SNTG1: variants seen among roughly 807,000 people sequenced by gnomAD.
SNTG1 encodes gamma-1-syntrophin.
SNTG1 carries 39 observed loss-of-function variants against 74.7 expected under a neutral mutation model. The observed-to-expected ratio is 0.52, with a 90% CI of 0.40 to 0.68. The LOEUF is 0.68. SNTG1 is among the 30% of genes least tolerant of loss of function. The probability of loss-of-function intolerance (pLI) is 0.00; values close to 1 mark genes in which losing one functional copy is unlikely to be tolerated. For synonymous variants in SNTG1, 254 were observed against 217.1 expected (o/e 1.17, Z -1.49); for missense variants, 685 against 609.5 (o/e 1.12, Z -1.30).
At chr8:50,731,277 T>C (rs951820145) in intron 17 of SNTG1, among the ~76,000 whole-genome samples, 1 of 152,062 alleles carries the variant, frequency 6.6e-6, no homozygotes, top group Non-Finnish European at 1.5e-5. Flanking sequence ...AGAGAGTGGT[T>C]TCTGGTCTTT....
intron 2 of SNTG1, among the ~76,000 whole-genome samples, chr8:50,254,366 T>G (rs12545915): frequency 0.56 from 85,881 of 152,024 alleles, 27,971 homozygotes; most frequent in East Asian, 0.83. Flanking sequence ...TCCGTGTACC[T>G]TTTTTGAAAA....
chr8:50,609,472 CT>C (rs1452047537), intron 13 of SNTG1, among the ~76,000 whole-genome samples: 1 of 151,950 alleles, frequency 6.6e-6, no homozygotes, highest in Non-Finnish European at 1.5e-5. Flanking sequence ...TTTCTTTTAT[CT>C]TTGTCTTCCA....
rs16914312 is a variant in SNTG1, at chr8:50,129,596, G to A, written c.-102-42965G>A. Among the ~76,000 whole-genome samples, 241 of 152,158 alleles carry A rather than the reference G, an allele frequency of 1.6e-3. 1 individual carries two copies. The highest frequency in any genetic ancestry group is 3.4e-3 in the Middle Eastern group (1 of 294). Reference sequence around the variant, plus strand: ...GGATCTGTGGGTTTGGATTCATACCGTCTTGGTGGAGAAATGGCTCAGACT... The same window carrying A: ...GGATCTGTGGGTTTGGATTCATACCATCTTGGTGGAGAAATGGCTCAGACT... On this transcript the variant is annotated intron_variant, in intron 1 of 18. Coordinates refer to ENST00000642720, the MANE Select transcript of SNTG1 (RefSeq NM_018967.5).
intron 18 of SNTG1, among the ~76,000 whole-genome samples, chr8:50,762,160 A>G (rs2095600776): frequency 6.6e-6 from 1 of 152,090 alleles, no homozygotes; most frequent in Non-Finnish European, 1.5e-5. Flanking sequence ...AGTTATATAA[A>G]TCTAAATATA....
chr8:50,513,678 A>G (rs1393475726), intron 9 of SNTG1, among the ~76,000 whole-genome samples: 1 of 152,220 alleles, frequency 6.6e-6, no homozygotes, highest in Non-Finnish European at 1.5e-5. Flanking sequence ...TGTGCTAACA[A>G]TGAGTGAGGC....
rs4289831 is a variant in SNTG1 at position 50,669,745 on chromosome 8, G to A, written c.1038+11082G>A. 3.2e-4 allele frequency among the ~76,000 whole-genome samples: 48 copies of A among 151,938 alleles called. 1 individual carries two copies. The South Asian group carries it at 8.1e-3, about 26-fold the overall frequency. Reference sequence around the variant, plus strand: ...CTGGCAGAGACACAACCAAAAAAGAGAATTTTAGACTAATATCCTTGATGA... The same window carrying A: ...CTGGCAGAGACACAACCAAAAAAGAAAATTTTAGACTAATATCCTTGATGA... On this transcript the variant is annotated intron_variant, in intron 15 of 18. Coordinates refer to ENST00000642720, the MANE Select transcript of SNTG1 (RefSeq NM_018967.5).
intron 2 of SNTG1, among the ~76,000 whole-genome samples, chr8:50,340,358 G>A (rs1177775103): frequency 1.3e-5 from 2 of 151,940 alleles, no homozygotes; most frequent in African/African-American, 4.8e-5. Context: ...ACAGTGTGGT[G>A]TTAGCAAAAG....
chr8:50,008,453 G>T (rs1046133081), intron 1 of SNTG1, among the ~76,000 whole-genome samples: 2 of 152,230 alleles, frequency 1.3e-5, no homozygotes, highest in East Asian at 3.9e-4. Context: ...TAGAAATTGG[G>T]TCTAGTCTTC....
intron 2 of SNTG1, among the ~76,000 whole-genome samples, chr8:50,302,008 C>T (rs1388692387): frequency 6.6e-6 from 1 of 152,094 alleles, no homozygotes; most frequent in Non-Finnish European, 1.5e-5. Flanking sequence ...AAATGCCTGC[C>T]ACCACGCCCA....
intron 15 of SNTG1, among the ~76,000 whole-genome samples, chr8:50,672,105 T>G (rs1301112372): frequency 6.7e-6 from 1 of 149,520 alleles, no homozygotes. Flanking sequence ...AATGACAAGT[T>G]AATGGGTGCA....
chr8:50,429,085 C>T (rs2093201025), intron 4 of SNTG1, among the ~76,000 whole-genome samples: 1 of 151,282 alleles, frequency 6.6e-6, no homozygotes, highest in African/African-American at 2.4e-5. Flanking sequence ...AATTGATCTA[C>T]ATTATAAATC....
At chr8:50,562,068 T>C (rs2094491807) in intron 12 of SNTG1, among the ~76,000 whole-genome samples, 3 of 152,362 alleles carry the variant, frequency 2.0e-5, no homozygotes, top group Admixed American at 6.5e-5. Flanking sequence ...ATTTATAAGT[T>C]ACAATGTGTA....
At chr8:50,319,663 CT>C (rs1382654514) in intron 2 of SNTG1, among the ~76,000 whole-genome samples, 4 of 152,102 alleles carry the variant, frequency 2.6e-5, no homozygotes, top group African/African-American at 9.7e-5. Flanking sequence ...AGAGAAAAGA[CT>C]TTTTTCAGTT....
intron 1 of SNTG1, among the ~76,000 whole-genome samples, chr8:49,947,680 C>T (rs1809325594): frequency 6.6e-6 from 1 of 152,136 alleles, no homozygotes; most frequent in East Asian, 1.9e-4. Flanking sequence ...TGAGAGTTGC[C>T]TGAGGAGTGA....
At chr8:50,114,839 T>TG (rs2080749548) in intron 1 of SNTG1, among the ~76,000 whole-genome samples, 1 of 152,112 alleles carries the variant, frequency 6.6e-6, no homozygotes, top group African/African-American at 2.4e-5. Context: ...CACTACAGCC[T>TG]GGTGACAGAG....
At chr8:50,586,918 TATAAA>T in intron 12 of SNTG1, among the ~76,000 whole-genome samples, 1 of 152,098 alleles carries the variant, frequency 6.6e-6, no homozygotes, top group Admixed American at 6.5e-5. Context: ...TAATAATAAT[TATAAA>T]ATACAAAGCA....
chr8:50,286,222 G>GC (rs1475196190), intron 2 of SNTG1, among the ~76,000 whole-genome samples: 1 of 152,160 alleles, frequency 6.6e-6, no homozygotes, highest in Non-Finnish European at 1.5e-5. Context: ...CCAACAAAAA[G>GC]CATACCCTCT....
rs1348737356 is a variant in SNTG1 at position 50,402,316 on chromosome 8, G to C, written c.134G>C (p.Cys45Ser). The C allele has an allele frequency of 6.2e-6, 10 of 1,609,728 alleles. No individual in the cohort carries two copies. Among genetic ancestry groups the C allele is most frequent in the Non-Finnish European group, 8.5e-6 (10 of 1,179,010 alleles). The stretch of plus-strand genomic sequence containing the variant: ...ATGATCCAGGAACAGGATGTGATAT[G>C]TGTGTCTGGTGAGCCTTTCTATTCT... ...ILMIQEQDVI[C>S]VSGEPFYSGE... The change falls in exon 4 of 19, where the codon TGT becomes TCT. Residue 45 changes from cysteine to serine, a missense_variant. Cys to Ser is a moderately radical substitution (Grantham distance 112, BLOSUM62 -1). Coordinates refer to ENST00000642720, the MANE Select transcript of SNTG1 (RefSeq NM_018967.5).
chr8:50,058,558 GT>G (rs1183088175), intron 1 of SNTG1, among the ~76,000 whole-genome samples: 2 of 152,084 alleles, frequency 1.3e-5, no homozygotes, highest in Non-Finnish European at 2.9e-5. Flanking sequence ...TTTAATTAAA[GT>G]TTTAACTTTG....
Sources: allele counts gnomAD v4.1 joint callset (sites outside exome capture counted in the v4.1 genomes callset), GRCh38; gene constraint gnomAD v4.1.1; transcripts MANE v1.5; gene names NCBI Gene and HGNC (gene_info 2026-07-23, HGNC 2026-07-21).